NBPF20: variants seen among roughly 807,000 people sequenced by gnomAD.
NBPF20 encodes NBPF family member NBPF20.
Under a neutral mutation model 68.1 loss-of-function variants are expected in NBPF20, and 90 were observed. That is an observed-to-expected ratio of 1.32 (90% CI 1.11 to 1.58). The LOEUF (loss-of-function observed/expected upper bound fraction) is 1.58. Ranked by LOEUF, NBPF20 falls within the 40% of genes most tolerant of loss-of-function variation. NBPF20 has a pLI of 0.00. For missense variants in NBPF20, 816 were observed against 601.2 expected, an observed-to-expected ratio of 1.36 and a Z score of -3.74; for synonymous variants, 290 against 228.1, an observed-to-expected ratio of 1.27 and a Z score of -2.45.
At chr1:145,419,076 G>A in the NBPF20 span, among the ~76,000 whole-genome samples, 1 of 139,172 alleles carries the variant, frequency 7.2e-6, no homozygotes, top group Non-Finnish European at 1.5e-5. Context: ...AAGGAGGAAG[G>A]GAGGGAGGAA....
intron 7 of NBPF20, among the ~76,000 whole-genome samples, chr1:145,396,850 A>G (rs1474545922): frequency 7.1e-6 from 1 of 140,554 alleles, no homozygotes; most frequent in Admixed American, 7.3e-5. Flanking sequence ...ACATGTCCAC[A>G]TTGGTGTGCT....
At chr1:145,394,927 C>G in intron 8 of NBPF20, 51 bp downstream of exon 13, 2 of 1,608,362 alleles carry the variant, frequency 1.2e-6, no homozygotes, top group Non-Finnish European at 1.7e-6. Context: ...ATTATGGGGT[C>G]TACCTGGGCC....
the NBPF20 span, among the ~76,000 whole-genome samples, chr1:145,424,925 C>T: frequency 1.3e-5 from 2 of 152,170 alleles, no homozygotes; most frequent in Non-Finnish European, 2.9e-5. Flanking sequence ...GAGCAGAATC[C>T]CGGAGGCCAA....
upstream of NBPF20, among the ~76,000 whole-genome samples, chr1:145,407,407 A>T (rs1662840019): frequency 6.8e-6 from 1 of 147,082 alleles, no homozygotes; most frequent in Non-Finnish European, 1.5e-5. Context: ...TATATATTAT[A>T]CACATATATA....
intron 7 of NBPF20, among the ~76,000 whole-genome samples, chr1:145,397,294 T>C (rs1342277709): frequency 3.9e-5 from 6 of 152,142 alleles, no homozygotes; most frequent in Non-Finnish European, 7.3e-5. Context: ...AGTAATGGGA[T>C]GGCTGGGTCA....
At chr1:145,404,331 T>A (rs1662667208) in intron 2 of NBPF20, among the ~76,000 whole-genome samples, 1 of 152,026 alleles carries the variant, frequency 6.6e-6, no homozygotes, top group Non-Finnish European at 1.5e-5. Context: ...CAATCTTGGC[T>A]CACTGCAACA....
chr1:145,377,941 C>T, intron 29 of NBPF20, 102 bp downstream of exon 34: 2 of 401,830 alleles, frequency 5.0e-6, no homozygotes, highest in South Asian at 4.5e-5. Flanking sequence ...AGTAATTCAA[C>T]CTTCGTTGAA....
At chr1:145,410,752 A>ATATATATATATACG in the NBPF20 span, among the ~76,000 whole-genome samples, 1 of 138,242 alleles carries the variant, frequency 7.2e-6, no homozygotes, top group African/African-American at 2.8e-5. Flanking sequence ...ATATATATAC[A>ATATATATATATACG]TATATATATA....
chr1:145,419,765 G>C, the NBPF20 span, among the ~76,000 whole-genome samples: 1 of 152,160 alleles, frequency 6.6e-6, no homozygotes, highest in Non-Finnish European at 1.5e-5. Context: ...GTAGTGACCT[G>C]AGATTTACTC....
At chr1:145,393,454 C>CAGAA (rs1308010892) in intron 9 of NBPF20, among the ~76,000 whole-genome samples, 1 of 113,552 alleles carries the variant, frequency 8.8e-6, no homozygotes. Context: ...CACACACACA[C>CAGAA]ACAAACACAC....
chr1:145,395,687 A>C (rs1203176884), intron 7 of NBPF20, among the ~76,000 whole-genome samples: 1 of 149,140 alleles, frequency 6.7e-6, no homozygotes, highest in Non-Finnish European at 1.5e-5. Flanking sequence ...GAGAATAGGC[A>C]ACACCAAGAA....
At position 145,403,121 on chromosome 1, in the gene NBPF20, T is replaced by G. The variant is rs1228733413; in HGVS notation, c.278+95A>C. 2.8e-6 allele frequency: 4 copies of G among 1,413,030 alleles called. No homozygotes were observed. In the African/African-American group the frequency reaches 5.6e-5, roughly 20 times the overall value. 87.5% of individuals were successfully genotyped at this position (1,413,030 alleles called of 1,614,324 possible). A position where few individuals can be genotyped will look rare whatever the true frequency, so the allele number is the denominator to read the frequency against. On this transcript the variant is annotated intron_variant, in intron 3 of 137. Coordinates refer to ENST00000369373, the Ensembl canonical transcript of NBPF20. ...GCCATGGCAATTCCTGCCCTTCCCC[T>G]GGCCCAGCTTAGCTCTTACGTCTCC...
At chr1:145,416,957 AG>A in the NBPF20 span, among the ~76,000 whole-genome samples, 1 of 148,194 alleles carries the variant, frequency 6.7e-6, no homozygotes, top group South Asian at 2.3e-4. Context: ...GACCAGACTA[AG>A]GGGGAATCTC....
Position 145,292,716 on chromosome 1 carries a change from A to G in NBPF20, c.16589-227T>C, listed in dbSNP as rs1661218764. On this transcript the variant is annotated intron_variant, in intron 136 of 137. Transcript: ENST00000369373. The stretch of plus-strand genomic sequence containing the variant: ...CCCTATTCTAGTAGATCGTTATCCC[A>G]ATATCATTTGTCCCAAGTTTGTGCA... 2.8e-5 allele frequency among the ~76,000 whole-genome samples: 4 copies of G among 141,506 alleles called. No homozygotes were observed. The South Asian group carries it at 8.7e-4, about 31-fold the overall frequency. The allele number at this position is 141,506 out of a possible 152,430, so 92.8% of individuals were successfully genotyped here.
chr1:145,406,144 C>T (rs1240180388), upstream of NBPF20, among the ~76,000 whole-genome samples: 16 of 143,872 alleles, frequency 1.1e-4, 1 homozygote, highest in Middle Eastern at 7.8e-3. Context: ...ACTGTGTTAG[C>T]CACGATGGTC....
exon 138 of NBPF20, chr1:145,291,234 C>G: frequency 5.5e-6 from 3 of 545,740 alleles, no homozygotes; most frequent in Non-Finnish European, 6.5e-6. Flanking sequence ...AAATGAAATC[C>G]CTGAGGAATT....
At chr1:145,377,606 A>G (rs1355151141) in intron 29 of NBPF20, among the ~76,000 whole-genome samples, 168 bp from the exon 35 acceptor site, 2 of 141,394 alleles carry the variant, frequency 1.4e-5, no homozygotes, top group African/African-American at 2.6e-5. Context: ...AGGGCCAGGT[A>G]GAAAAGAATG....
At chr1:145,404,346 C>T (rs1454401048) in intron 2 of NBPF20, among the ~76,000 whole-genome samples, 2 of 151,942 alleles carry the variant, frequency 1.3e-5, no homozygotes, top group Non-Finnish European at 2.9e-5. Context: ...GCAACATCTG[C>T]CTGCTGGGTT....
chr1:145,306,300 GAC>G (rs1165100740), intron 119 of NBPF20, among the ~76,000 whole-genome samples: 281 of 139,244 alleles, frequency 2.0e-3, no homozygotes, highest in Non-Finnish European at 3.3e-3. Context: ...CACACACACA[GAC>G]ACACACACAC....
Sources: allele counts gnomAD v4.1 joint callset (sites outside exome capture counted in the v4.1 genomes callset), GRCh38; gene constraint gnomAD v4.1.1; transcripts MANE v1.5; gene names NCBI Gene and HGNC (gene_info 2026-07-23, HGNC 2026-07-21).